BMAL2: variants seen among roughly 807,000 people sequenced by gnomAD.
BMAL2 encodes the protein basic helix-loop-helix ARNT-like protein 2.
the BMAL2 span, chr12:27,380,341 G>A: frequency 6.2e-7 from 1 of 1,614,156 alleles, no homozygotes; most frequent in Non-Finnish European, 8.5e-7. Flanking sequence ...CAACCCCATG[G>A]CGCGTAAACT....
the BMAL2 span, among the ~76,000 whole-genome samples, chr12:27,364,542 A>G: frequency 6.6e-6 from 1 of 152,132 alleles, no homozygotes; most frequent in African/African-American, 2.4e-5. Context: ...TCCTCATACC[A>G]GTACTACACT....
the BMAL2 span, among the ~76,000 whole-genome samples, chr12:27,407,899 T>C: frequency 6.6e-6 from 1 of 151,878 alleles, no homozygotes; most frequent in Non-Finnish European, 1.5e-5. Flanking sequence ...CAATAAAAAA[T>C]GATAAAAGGG....
chr12:27,386,502 A>G, the BMAL2 span, among the ~76,000 whole-genome samples: 1 of 152,182 alleles, frequency 6.6e-6, no homozygotes, highest in Non-Finnish European at 1.5e-5. Flanking sequence ...AAAAACTATA[A>G]CAAGGTGTAC....
chr12:27,393,976 C>T, the BMAL2 span, among the ~76,000 whole-genome samples: 1 of 152,160 alleles, frequency 6.6e-6, no homozygotes, highest in Non-Finnish European at 1.5e-5. Context: ...ACAGACATAA[C>T]ACACTTGTGC....
At chr12:27,332,884 GGCCGGGCTGCGGGGCGGCGTCCCGTGCGC>G in the BMAL2 span, 2 of 219,888 alleles carry the variant, frequency 9.1e-6, no homozygotes, top group East Asian at 2.8e-4. Context: ...AGCTGCTGCC[GGCCGGGCTGCGGGGCGGCGTCCCGTGCGC>G]GCCTACGGGC....
the BMAL2 span, among the ~76,000 whole-genome samples, chr12:27,367,460 G>A: frequency 2.6e-5 from 4 of 152,144 alleles, no homozygotes; most frequent in Non-Finnish European, 4.4e-5. Context: ...GGGGACTACT[G>A]TATACTGTAT....
At chr12:27,347,242 G>GTGTGACAAAAA in the BMAL2 span, among the ~76,000 whole-genome samples, 69 of 152,298 alleles carry the variant, frequency 4.5e-4, no homozygotes, top group African/African-American at 1.6e-3. Context: ...ACAGGGAAGT[G>GTGTGACAAAAA]ATATGGCTAT....
chr12:27,403,366 G>A, the BMAL2 span: 1 of 1,096,202 alleles, frequency 9.1e-7, no homozygotes, highest in Non-Finnish European at 1.4e-6. Flanking sequence ...GGAGAGAACT[G>A]TGAAATTATT....
the BMAL2 span, among the ~76,000 whole-genome samples, chr12:27,352,004 A>T: frequency 3.3e-5 from 5 of 151,968 alleles, no homozygotes; most frequent in Non-Finnish European, 7.4e-5. Flanking sequence ...ATGGCAGAGG[A>T]CTCCATCATA....
the BMAL2 span, among the ~76,000 whole-genome samples, chr12:27,420,044 C>CACACACAT: frequency 1.3e-5 from 2 of 151,272 alleles, no homozygotes; most frequent in African/African-American, 4.9e-5. Context: ...CACACACACA[C>CACACACAT]ACACAAACAT....
the BMAL2 span, among the ~76,000 whole-genome samples, chr12:27,338,986 G>A: frequency 6.6e-6 from 1 of 152,068 alleles, no homozygotes; most frequent in Non-Finnish European, 1.5e-5. Context: ...AAGTTCAAGG[G>A]TATATGTGCA....
the BMAL2 span, among the ~76,000 whole-genome samples, chr12:27,345,721 T>TC: frequency 2.0e-4 from 31 of 152,274 alleles, no homozygotes; most frequent in East Asian, 5.8e-3. Context: ...CAGGCGGGTC[T>TC]CCAACTCCTG....
the BMAL2 span, chr12:27,420,362 C>G: frequency 1.2e-6 from 2 of 1,612,290 alleles, no homozygotes; most frequent in East Asian, 4.5e-5. Context: ...TACTGATCAC[C>G]TTTACTTACA....
At chr12:27,340,440 C>T in the BMAL2 span, among the ~76,000 whole-genome samples, 1 of 152,168 alleles carries the variant, frequency 6.6e-6, no homozygotes, top group Non-Finnish European at 1.5e-5. Flanking sequence ...TTTCTGAGCT[C>T]TCTATTCTGT....
the BMAL2 span, chr12:27,368,312 C>T: frequency 6.8e-6 from 11 of 1,613,924 alleles, no homozygotes; most frequent in East Asian, 6.7e-5. Context: ...GGTTTCCAGC[C>T]GCGTGAGTCC....
the BMAL2 span, among the ~76,000 whole-genome samples, chr12:27,335,258 G>T: frequency 6.6e-6 from 1 of 152,228 alleles, no homozygotes; most frequent in South Asian, 2.1e-4. Flanking sequence ...CAAACTATGG[G>T]TTTCCCCACC....
At chr12:27,349,451 G>A in the BMAL2 span, among the ~76,000 whole-genome samples, 2 of 151,692 alleles carry the variant, frequency 1.3e-5, no homozygotes, top group South Asian at 4.2e-4. Context: ...TATATGAGGA[G>A]TTCTGTGTGG....
chr12:27,368,861 T>C, the BMAL2 span, among the ~76,000 whole-genome samples: 1 of 152,230 alleles, frequency 6.6e-6, no homozygotes, highest in Admixed American at 6.5e-5. Flanking sequence ...TTAAGTCAAA[T>C]TGATAATAAA....
the BMAL2 span, among the ~76,000 whole-genome samples, chr12:27,343,924 C>T: frequency 3.9e-5 from 6 of 152,250 alleles, no homozygotes; most frequent in African/African-American, 1.4e-4. Flanking sequence ...GTTTCTCCTC[C>T]CTCTTTGCCC....
Sources: allele counts gnomAD v4.1 joint callset (sites outside exome capture counted in the v4.1 genomes callset), GRCh38; gene constraint gnomAD v4.1.1; transcripts MANE v1.5; gene names NCBI Gene and HGNC (gene_info 2026-07-23, HGNC 2026-07-21).